RBBP8: variants seen among roughly 807,000 people sequenced by gnomAD.
RBBP8 encodes RB binding protein 8, endonuclease, also known as DNA endonuclease RBBP8.
Under a neutral mutation model 108.3 loss-of-function variants are expected in RBBP8, and 88 were observed. The ratio of observed to expected loss-of-function variants is 0.81; its 90% CI spans 0.68 to 0.97. The LOEUF (loss-of-function observed/expected upper bound fraction) is 0.97. RBBP8 is among the 50% of genes least tolerant of loss of function. The probability of loss-of-function intolerance (pLI) is 0.00; values close to 1 mark genes in which losing one functional copy is unlikely to be tolerated. For synonymous variants in RBBP8, 332 were observed against 348.2 expected, an observed-to-expected ratio of 0.95 and a Z score of 0.52; for missense variants, 1,023 against 1,049.0, an observed-to-expected ratio of 0.98 and a Z score of 0.34.
chr18:22,955,678 C>T (rs1305555196), intron 4 of RBBP8, among the ~76,000 whole-genome samples: 3 of 151,436 alleles, frequency 2.0e-5, no homozygotes, highest in African/African-American at 7.3e-5. Context: ...GCCAGGTTCA[C>T]GCCATTCTCC....
chr18:23,024,818 G>T (rs1038225999), intron 18 of RBBP8: 1 of 152,198 alleles, frequency 6.6e-6, no homozygotes, highest in Non-Finnish European at 1.5e-5. Flanking sequence ...GTAGCCTTCA[G>T]GCTTTAGGCC....
At chr18:22,961,598 C>T (rs1913102758) in intron 4 of RBBP8, among the ~76,000 whole-genome samples, 2 of 152,156 alleles carry the variant, frequency 1.3e-5, no homozygotes, top group South Asian at 2.1e-4. Flanking sequence ...TGCATGTGGC[C>T]CAGGACAGCT....
At chr18:22,974,031 C>T (rs1405499265) in intron 5 of RBBP8, among the ~76,000 whole-genome samples, 1 of 152,050 alleles carries the variant, frequency 6.6e-6, no homozygotes, top group African/African-American at 2.4e-5. Flanking sequence ...TGTAGATAGT[C>T]CAGAAAATTT....
upstream of RBBP8, among the ~76,000 whole-genome samples, chr18:22,932,842 G>A (rs2144367194): frequency 6.6e-6 from 1 of 152,316 alleles, no homozygotes; most frequent in African/African-American, 2.4e-5. Context: ...AAATTTGCCA[G>A]AAACTTCCCG....
chr18:22,932,158 A>T (rs1167371118), upstream of RBBP8, among the ~76,000 whole-genome samples: 1 of 152,232 alleles, frequency 6.6e-6, no homozygotes, highest in Non-Finnish European at 1.5e-5. Flanking sequence ...AGACACAGGC[A>T]GAGGCCATAG....
intron 15 of RBBP8, 106 bp downstream of exon 15, chr18:23,001,835 T>C (rs954652546): frequency 7.2e-7 from 1 of 1,391,758 alleles, no homozygotes; most frequent in Non-Finnish European, 9.9e-7. Context: ...CAATTGAAGT[T>C]TCATATTTCT....
intron 18 of RBBP8, among the ~76,000 whole-genome samples, chr18:23,023,418 T>G (rs1288786186): frequency 1.3e-5 from 2 of 152,216 alleles, no homozygotes; most frequent in Non-Finnish European, 2.9e-5. Context: ...ACACTTACAT[T>G]TAATATAATT....
intron 1 of RBBP8, among the ~76,000 whole-genome samples, chr18:22,935,349 T>G (rs981854908): frequency 2.0e-5 from 3 of 150,270 alleles, no homozygotes; most frequent in African/African-American, 7.3e-5. Flanking sequence ...CCTGTAAATA[T>G]CTCGGTAAAT....
Position 22,996,463 on chromosome 18 carries a change from G to T in RBBP8, c.2028+1G>T. 6.2e-7 allele frequency: 1 copy of T among 1,613,146 alleles called. No individual in the cohort carries two copies. The highest frequency in any genetic ancestry group is 8.5e-7 in the Non-Finnish European group (1 of 1,179,724). On this transcript the variant is annotated splice_donor_variant, in intron 13 of 18. Coordinates refer to ENST00000327155, the MANE Select transcript of RBBP8 (RefSeq NM_002894.3). LOFTEE classifies it high-confidence loss of function. ...GGATGTTACTGTAATAGATACAAAGGTAAGTTAAAAAGTAAAACCAAAACT... is the reference window on the plus strand; with the variant it reads ...GGATGTTACTGTAATAGATACAAAGTTAAGTTAAAAAGTAAAACCAAAACT...
intron 4 of RBBP8, among the ~76,000 whole-genome samples, chr18:22,963,617 A>C (rs1406595455): frequency 4.6e-5 from 7 of 152,194 alleles, no homozygotes; most frequent in Non-Finnish European, 8.8e-5. Context: ...CGTAGTGGTC[A>C]TCAGAGGTTC....
rs1914843241 is a variant in RBBP8 at position 22,980,622 on chromosome 18, ATC to A, written c.429-1595_429-1594del. Among the ~76,000 whole-genome samples, 3 of 152,072 alleles carry A rather than the reference ATC, an allele frequency of 2.0e-5. No homozygotes were observed. In the South Asian group the frequency reaches 6.2e-4, roughly 32 times the overall value. ...ATCAGGTCATGTAGGATCTTCATGG[ATC>A]AAAGGACTTTGGCTTGTGTTCTCAG... On this transcript the variant is annotated intron_variant, in intron 6 of 18. Transcript: ENST00000327155.
At chr18:22,994,184 ATT>A (rs888725977) in intron 12 of RBBP8, among the ~76,000 whole-genome samples, 5 of 141,508 alleles carry the variant, frequency 3.5e-5, no homozygotes, top group Non-Finnish European at 4.7e-5. Context: ...TGCCCGGCTA[ATT>A]TTTTTTTTTT....
At chr18:22,962,001 C>T (rs1403377704) in intron 4 of RBBP8, among the ~76,000 whole-genome samples, 2 of 152,162 alleles carry the variant, frequency 1.3e-5, no homozygotes, top group African/African-American at 2.4e-5. Context: ...TCTGAGTGAT[C>T]GTCTTTTCTG....
upstream of RBBP8, among the ~76,000 whole-genome samples, chr18:22,932,351 C>A (rs1201832689): frequency 6.6e-6 from 1 of 152,186 alleles, no homozygotes. Context: ...GTCAAAATTT[C>A]ATCCATTTTC....
intron 4 of RBBP8, among the ~76,000 whole-genome samples, chr18:22,968,392 G>T (rs895120709): frequency 6.6e-6 from 1 of 152,074 alleles, no homozygotes; most frequent in Non-Finnish European, 1.5e-5. Context: ...AATAAATTTT[G>T]ATGAATTTAA....
chr18:22,956,439 ATCT>A (rs1205172921), intron 4 of RBBP8, among the ~76,000 whole-genome samples: 1 of 152,046 alleles, frequency 6.6e-6, no homozygotes, highest in African/African-American at 2.4e-5. Flanking sequence ...GGCTCAAGAG[ATCT>A]TCTCACATCA....
chr18:23,015,698 C>T (rs901975772), intron 16 of RBBP8, among the ~76,000 whole-genome samples: 1 of 151,906 alleles, frequency 6.6e-6, no homozygotes. Context: ...TTACCAGCAC[C>T]GTTTATTAAA....
intron 4 of RBBP8, among the ~76,000 whole-genome samples, chr18:22,956,613 A>C (rs953373043): frequency 6.6e-6 from 1 of 152,208 alleles, no homozygotes; most frequent in Non-Finnish European, 1.5e-5. Flanking sequence ...TTGGGATTAC[A>C]GGCATCAGCC....
At chr18:23,000,394 C>T (rs1345578714) in intron 14 of RBBP8, among the ~76,000 whole-genome samples, 1 of 152,046 alleles carries the variant, frequency 6.6e-6, no homozygotes, top group African/African-American at 2.4e-5. Flanking sequence ...TACTAAACTA[C>T]CAGATGCTAA....
Sources: gnomAD v4.1 joint callset for allele counts (sites outside exome capture counted in the v4.1 genomes callset) on GRCh38, gnomAD v4.1.1 for gene constraint, MANE v1.5 for transcripts, NCBI Gene and HGNC (gene_info 2026-07-23, HGNC 2026-07-21) for gene names.